RCHY1: variants seen among roughly 807,000 people sequenced by gnomAD.
RCHY1 encodes the protein ring finger and CHY zinc finger domain containing 1.
In RCHY1, 21 loss-of-function variants were observed where a neutral mutation model predicts 41.6. The ratio of observed to expected loss-of-function variants is 0.51; its 90% CI spans 0.36 to 0.73. The LOEUF is 0.73. Ranked by LOEUF, RCHY1 falls within the 30% of genes least tolerant of loss-of-function variation. RCHY1 has a pLI of 0.00. For missense variants in RCHY1, 265 were observed against 325.3 expected (o/e 0.81, Z 1.43); for synonymous variants, 79 against 102.9 (o/e 0.77, Z 1.41).
chr4:75,512,767 C>T (rs900316092), intron 1 of RCHY1, among the ~76,000 whole-genome samples: 4 of 152,040 alleles, frequency 2.6e-5, no homozygotes, highest in African/African-American at 9.7e-5. Flanking sequence ...ACTAAAACTC[C>T]TCTTGTCAAG....
chr4:75,514,502 G>T, upstream of RCHY1: 1 of 523,266 alleles, frequency 1.9e-6, no homozygotes, highest in Non-Finnish European at 3.4e-6. Flanking sequence ...GACGTTAGTC[G>T]CAGTCTTCGC....
Position 75,514,191 on chromosome 4 carries a change from C to A in RCHY1, c.90+6G>T. ...TTGTCAGGGAAGAGTCCATAGAAGG[C>A]GTCACCTTTAGGAGACATCCTCTGT... is the stretch of plus-strand genomic sequence containing the variant. On this transcript the variant is annotated splice_donor_region_variant and intron_variant, in intron 1 of 8. Coordinates refer to ENST00000324439, the MANE Select transcript of RCHY1 (RefSeq NM_015436.4). The A allele has an allele frequency of 6.2e-7, 1 of 1,607,376 alleles. No homozygotes were observed. The highest frequency in any genetic ancestry group is 8.5e-7 in the Non-Finnish European group (1 of 1,174,496).
intron 4 of RCHY1, among the ~76,000 whole-genome samples, chr4:75,493,536 CAA>C (rs1205216162): frequency 6.6e-6 from 1 of 151,774 alleles, no homozygotes; most frequent in Non-Finnish European, 1.5e-5. Context: ...TATACTTGAA[CAA>C]GTACGATTTA....
At chr4:75,511,206 T>TTTTA (rs1724835072) in intron 1 of RCHY1, among the ~76,000 whole-genome samples, 1 of 152,208 alleles carries the variant, frequency 6.6e-6, no homozygotes, top group Non-Finnish European at 1.5e-5. Flanking sequence ...TTCTAAATGT[T>TTTTA]CACACATTTA....
intron 3 of RCHY1, 49 bp downstream of exon 3, chr4:75,508,771 T>C (rs769050347): frequency 9.7e-7 from 1 of 1,030,792 alleles, no homozygotes; most frequent in Non-Finnish European, 1.4e-6. Flanking sequence ...AAAACTATTA[T>C]TGCATATACA....
chr4:75,483,199 TAAC>T lies in RCHY1; in HGVS notation c.658-536_658-534del, dbSNP rs1261426609. Among the ~76,000 whole-genome samples the T allele has an allele frequency of 1.2e-4, 18 of 152,262 alleles. No homozygotes were observed. In the East Asian group the frequency reaches 3.3e-3, roughly 28 times the overall value. On this transcript the variant is annotated intron_variant, in intron 8 of 8. Coordinates refer to ENST00000324439, the MANE Select transcript of RCHY1 (RefSeq NM_015436.4). ...AGAGGCTCTTCGCTCATCCCTACAA[TAAC>T]AATAAGATGCCGTTTAAGAATTAAT...
At chr4:75,511,580 G>C (rs953193282) in intron 1 of RCHY1, among the ~76,000 whole-genome samples, 1 of 152,124 alleles carries the variant, frequency 6.6e-6, no homozygotes, top group Admixed American at 6.5e-5. Context: ...TTGCAGAAGT[G>C]TTTGATCAAA....
chr4:75,505,179 G>A (rs1032161458), intron 3 of RCHY1, among the ~76,000 whole-genome samples: 2 of 152,124 alleles, frequency 1.3e-5, no homozygotes, highest in African/African-American at 2.4e-5. Context: ...GTTCACAATA[G>A]GGTTTGTGCT....
chr4:75,490,764 A>C (rs931964524), intron 7 of RCHY1, 63 bp from the exon 8 acceptor site: 76 of 1,307,378 alleles, frequency 5.8e-5, no homozygotes, highest in Non-Finnish European at 7.5e-5. Flanking sequence ...TCAGGTATAC[A>C]AGAAGATGCA....
Position 75,481,679 on chromosome 4 carries a change from A to T in RCHY1, c.*859T>A, listed in dbSNP as rs573568772. 2.0e-5 allele frequency: 3 copies of T among 152,336 alleles called. No homozygotes were observed. The East Asian group carries it at 5.8e-4, about 29-fold the overall frequency. 9.4% of individuals were successfully genotyped at this position (152,336 alleles called of 1,614,324 possible). A position where few individuals can be genotyped will look rare whatever the true frequency, so the allele number is the denominator to read the frequency against. ...CAATAGAATGTACTGCTGTGAGGAC[A>T]AGGACTTTTATCTTTATTGTTCACT... On this transcript the variant is annotated 3_prime_UTR_variant, in exon 9 of 9. Transcript: ENST00000324439.
intron 8 of RCHY1, among the ~76,000 whole-genome samples, 187 bp downstream of exon 8, chr4:75,490,394 T>C (rs1722637460): frequency 6.6e-6 from 1 of 152,060 alleles, no homozygotes; most frequent in Non-Finnish European, 1.5e-5. Flanking sequence ...CTTAAGACTT[T>C]TTTTTTCCCG....
chr4:75,493,936 G>C (rs941578447), intron 4 of RCHY1, among the ~76,000 whole-genome samples, 165 bp downstream of exon 4: 2 of 151,646 alleles, frequency 1.3e-5, no homozygotes, highest in African/African-American at 4.8e-5. Flanking sequence ...ATATTCTGAG[G>C]TACATATTTT....
intron 1 of RCHY1, among the ~76,000 whole-genome samples, chr4:75,510,497 G>A (rs1036453574): frequency 1.3e-5 from 2 of 152,038 alleles, no homozygotes; most frequent in African/African-American, 2.4e-5. Context: ...TTACCATAAC[G>A]TAGTTCATTC....
intron 8 of RCHY1, among the ~76,000 whole-genome samples, chr4:75,483,589 T>G (rs1458323935): frequency 6.6e-6 from 1 of 152,174 alleles, no homozygotes; most frequent in African/African-American, 2.4e-5. Context: ...ATATAATATG[T>G]GAATTGTATC....
chr4:75,495,932 T>C (rs1362834352), intron 3 of RCHY1, among the ~76,000 whole-genome samples: 2 of 152,298 alleles, frequency 1.3e-5, no homozygotes, highest in East Asian at 3.9e-4. Flanking sequence ...TCTATTCGTC[T>C]ATTCCTGCAC....
chr4:75,506,848 A>G (rs1456154202), intron 3 of RCHY1, among the ~76,000 whole-genome samples: 1 of 152,154 alleles, frequency 6.6e-6, no homozygotes, highest in African/African-American at 2.4e-5. Context: ...GGACACACGG[A>G]AAAAATACTA....
chr4:75,495,217 C>CCTGT (rs928782979), intron 3 of RCHY1, among the ~76,000 whole-genome samples: 25 of 151,950 alleles, frequency 1.6e-4, no homozygotes, highest in African/African-American at 5.8e-4. Context: ...TCAATATTTT[C>CCTGT]CTGTATAGCT....
chr4:75,495,410 T>C (rs1015444463), intron 3 of RCHY1, among the ~76,000 whole-genome samples: 1 of 152,038 alleles, frequency 6.6e-6, no homozygotes, highest in African/African-American at 2.4e-5. Flanking sequence ...TCTCCACTTC[T>C]TCTACAATGA....
intron 1 of RCHY1, among the ~76,000 whole-genome samples, chr4:75,511,208 AC>A (rs1724835919): frequency 6.6e-6 from 1 of 152,204 alleles, no homozygotes; most frequent in Non-Finnish European, 1.5e-5. Flanking sequence ...CTAAATGTTC[AC>A]ACATTTAACA....
Sources: allele counts gnomAD v4.1 joint callset (sites outside exome capture counted in the v4.1 genomes callset), GRCh38; gene constraint gnomAD v4.1.1; transcripts MANE v1.5; gene names NCBI Gene and HGNC (gene_info 2026-07-23, HGNC 2026-07-21).